ASIC2: variants seen among roughly 807,000 people sequenced by gnomAD.
ASIC2 encodes the protein acid sensing ion channel subunit 2, also known as acid-sensing ion channel 2.
ASIC2 carries 25 observed loss-of-function variants against 57.3 expected under a neutral mutation model. The ratio of observed to expected loss-of-function variants is 0.44; its 90% confidence interval spans 0.32 to 0.61. ASIC2 has a LOEUF of 0.61. Ranked by LOEUF, ASIC2 falls within the 20% of genes least tolerant of loss-of-function variation. The probability of loss-of-function intolerance (pLI) is 0.06; values close to 1 mark genes in which losing one functional copy is unlikely to be tolerated. For missense variants in ASIC2, 641 were observed against 738.1 expected (o/e 0.87, Z 1.52); for synonymous variants, 319 against 307.5 (o/e 1.04, Z -0.39).
At chr17:33,996,355 T>C (rs1013661011) in intron 1 of ASIC2, among the ~76,000 whole-genome samples, 16 of 152,352 alleles carry the variant, frequency 1.1e-4, no homozygotes, top group African/African-American at 3.4e-4. Flanking sequence ...TTTAGTTTGA[T>C]GCAATCTCGT....
chr17:33,841,808 G>T (rs935903771), intron 1 of ASIC2, among the ~76,000 whole-genome samples: 2 of 152,124 alleles, frequency 1.3e-5, no homozygotes, highest in Non-Finnish European at 2.9e-5. Context: ...AATAGGGAAG[G>T]CACCAGGTTC....
intron 1 of ASIC2, among the ~76,000 whole-genome samples, chr17:33,225,264 A>C (rs558355016): frequency 1.3e-5 from 2 of 152,350 alleles, no homozygotes; most frequent in East Asian, 3.9e-4. Flanking sequence ...GTGATGGTTC[A>C]GCACAATGCC....
rs1555590398 is a variant in ASIC2 at position 33,269,759 on chromosome 17, C to CTTCCTTCT, written c.708+21648_708+21649insAGAAGGAA. On this transcript the variant is annotated intron_variant, in intron 1 of 9. Transcript: ENST00000225823. Reference sequence around the variant, plus strand: ...CCTTCCTTCCTTCCTTCTTTCCTTCCTTCCTTCCTTCCTTCTTTCCTTTTT... The same window carrying CTTCCTTCT: ...CCTTCCTTCCTTCCTTCTTTCCTTCCTTCCTTCTTTCCTTCCTTCCTTCTTTCCTTTTT... Among the ~76,000 whole-genome samples the CTTCCTTCT allele has an allele frequency of 2.3e-4, 34 of 145,244 alleles. 1 individual carries two copies. Among genetic ancestry groups the CTTCCTTCT allele is most frequent in the African/African-American group, 8.1e-4 (31 of 38,086 alleles).
intron 1 of ASIC2, among the ~76,000 whole-genome samples, chr17:33,651,303 C>A (rs773409069): frequency 6.6e-6 from 1 of 152,022 alleles, no homozygotes; most frequent in Non-Finnish European, 1.5e-5. Context: ...GTGATAAGTA[C>A]GTAGAACTTT....
chr17:33,164,074 T>C (rs1319327487), intron 1 of ASIC2, among the ~76,000 whole-genome samples: 1 of 152,184 alleles, frequency 6.6e-6, no homozygotes, highest in Non-Finnish European at 1.5e-5. Context: ...AAAGCACACA[T>C]GTCCTGCCAT....
At chr17:33,605,774 G>T (rs1412372040) in intron 1 of ASIC2, among the ~76,000 whole-genome samples, 3 of 152,168 alleles carry the variant, frequency 2.0e-5, no homozygotes, top group African/African-American at 7.2e-5. Flanking sequence ...GACACAGCAC[G>T]TCCTGCCTCC....
chr17:33,548,232 G>A (rs1243012071), intron 1 of ASIC2, among the ~76,000 whole-genome samples: 1 of 152,078 alleles, frequency 6.6e-6, no homozygotes, highest in Non-Finnish European at 1.5e-5. Context: ...TGCTTTCATT[G>A]GATTATTAAA....
At chr17:33,964,999 G>C (rs1314180303) in intron 1 of ASIC2, among the ~76,000 whole-genome samples, 3 of 152,172 alleles carry the variant, frequency 2.0e-5, no homozygotes, top group African/African-American at 7.2e-5. Flanking sequence ...CTGGGTGAGT[G>C]TTAGGGGAAC....
rs1356664612 is a variant in ASIC2, at chr17:33,889,371, G to A, written c.555+266607C>T. Among the ~76,000 whole-genome samples the A allele has an allele frequency of 3.3e-5, 5 of 152,272 alleles. No homozygotes were observed. The East Asian group carries it at 9.7e-4, about 29-fold the overall frequency. On this transcript the variant is annotated intron_variant, in intron 1 of 9. Coordinates refer to the ASIC2 transcript ENST00000359872. ...ATTCTCTCCATAATTTATCACTTCTGCATGTTTAGTGTTCTTTATATTAAA... is the reference window on the plus strand; with the variant it reads ...ATTCTCTCCATAATTTATCACTTCTACATGTTTAGTGTTCTTTATATTAAA...
intron 2 of ASIC2, among the ~76,000 whole-genome samples, chr17:33,095,043 G>C (rs1034801944): frequency 6.6e-6 from 1 of 152,142 alleles, no homozygotes; most frequent in Non-Finnish European, 1.5e-5. Flanking sequence ...CATAAAAATG[G>C]ATTGTTCTTC....
intron 1 of ASIC2, among the ~76,000 whole-genome samples, chr17:33,906,997 C>T (rs1382346972): frequency 1.3e-5 from 2 of 152,074 alleles, no homozygotes; most frequent in Non-Finnish European, 2.9e-5. Context: ...GAAAGATGCT[C>T]TTTTGGGTTT....
At chr17:33,326,358 C>A (rs922268090) in intron 1 of ASIC2, among the ~76,000 whole-genome samples, 1 of 152,204 alleles carries the variant, frequency 6.6e-6, no homozygotes, top group African/African-American at 2.4e-5. Context: ...GTTCACGCAT[C>A]TTTCCCAACT....
intron 1 of ASIC2, among the ~76,000 whole-genome samples, chr17:33,338,751 TAAGAG>T (rs1313593990): frequency 6.6e-6 from 1 of 152,098 alleles, no homozygotes; most frequent in East Asian, 1.9e-4. Context: ...CTTGGGTGGA[TAAGAG>T]GAAAAAGCTG....
chr17:33,471,274 T>C (rs905073943), intron 1 of ASIC2, among the ~76,000 whole-genome samples: 1 of 152,188 alleles, frequency 6.6e-6, no homozygotes, highest in Non-Finnish European at 1.5e-5. Context: ...AATTACCTAG[T>C]TGGGATTGTT....
chr17:33,702,990 A>C (rs993423198), intron 1 of ASIC2, among the ~76,000 whole-genome samples: 1 of 152,208 alleles, frequency 6.6e-6, no homozygotes, highest in Admixed American at 6.5e-5. Context: ...GATTGTGCCC[A>C]GGGTAAGGGA....
intron 1 of ASIC2, among the ~76,000 whole-genome samples, chr17:33,654,776 C>G (rs1489903387): frequency 6.6e-6 from 1 of 152,118 alleles, no homozygotes; most frequent in Non-Finnish European, 1.5e-5. Context: ...GTAAAACAGG[C>G]CACTAAGAAG....
At chr17:33,118,051 T>C (rs1356283957) in intron 1 of ASIC2, among the ~76,000 whole-genome samples, 3 of 152,040 alleles carry the variant, frequency 2.0e-5, no homozygotes, top group Non-Finnish European at 4.4e-5. Flanking sequence ...GGCCAAGGAG[T>C]TCTGTAGAAA....
intron 1 of ASIC2, among the ~76,000 whole-genome samples, chr17:33,753,721 C>G (rs1414181303): frequency 6.6e-6 from 1 of 152,194 alleles, no homozygotes; most frequent in East Asian, 1.9e-4. Context: ...GGTTTGAACA[C>G]TTGGCGGTGT....
intron 1 of ASIC2, chr17:34,118,226 T>A (rs1911485916): frequency 6.6e-6 from 1 of 152,236 alleles, no homozygotes; most frequent in Non-Finnish European, 1.5e-5. Context: ...GTGAGTATAC[T>A]AATAGTATAC....
Sources: gnomAD v4.1 joint callset for allele counts (sites outside exome capture counted in the v4.1 genomes callset) on GRCh38, gnomAD v4.1.1 for gene constraint, MANE v1.5 for transcripts, NCBI Gene and HGNC (gene_info 2026-07-23, HGNC 2026-07-21) for gene names.